RBFOX1: variants seen among roughly 807,000 people sequenced by gnomAD.
RBFOX1 encodes the protein RNA binding protein fox-1 homolog 1.
A neutral mutation model predicts 57.7 loss-of-function variants in RBFOX1; 8 were observed. The ratio of observed to expected loss-of-function variants is 0.14; its 90% CI spans 0.08 to 0.25. The LOEUF (loss-of-function observed/expected upper bound fraction) is 0.25, where lower values mean the gene tolerates loss of function less well. Ranked by LOEUF, RBFOX1 falls within the 10% of genes least tolerant of loss-of-function variation. The pLI is 1.00. For missense variants in RBFOX1, 611 were observed against 548.5 expected (o/e 1.11, Z -1.14); for synonymous variants, 326 against 222.4 (o/e 1.47, Z -4.15).
intron 1 of RBFOX1, among the ~76,000 whole-genome samples, chr16:6,289,448 T>C (rs2077234560): frequency 6.6e-6 from 1 of 152,166 alleles, no homozygotes; most frequent in East Asian, 1.9e-4. Flanking sequence ...GCAGTCATCA[T>C]CCTAATCATT....
chr16:5,851,596 C>T (rs1480831090), intron 3 of RBFOX1, among the ~76,000 whole-genome samples: 1 of 152,158 alleles, frequency 6.6e-6, no homozygotes. Flanking sequence ...TACCAAGTTT[C>T]TTCTCAATTT....
At chr16:5,825,052 G>A (rs989883167) in intron 3 of RBFOX1, among the ~76,000 whole-genome samples, 2 of 152,210 alleles carry the variant, frequency 1.3e-5, no homozygotes, top group Non-Finnish European at 2.9e-5. Flanking sequence ...GGCCTGGAGA[G>A]TTTGACTAAG....
Position 5,946,792 on chromosome 16 carries a change from T to G in RBFOX1, c.351+79457T>G, listed in dbSNP as rs557987215. Among the ~76,000 whole-genome samples, 6 of 152,276 alleles carry G rather than the reference T, an allele frequency of 3.9e-5. 1 individual carries two copies. In the South Asian group the frequency reaches 1.0e-3, roughly 26 times the overall value. On this transcript the variant is annotated intron_variant, in intron 4 of 19. Coordinates refer to the RBFOX1 transcript ENST00000641259. This position sits in a 1 kb window ranked among gnomAD's most constrained non-coding sequence, Gnocchi z 4.6. ...TGATTCTAACTCCAGGTGGATCATG[T>G]CAGAATTGAACTGTAGGACACCCAG...
At chr16:6,602,888 C>T (rs1279197592) in intron 2 of RBFOX1, among the ~76,000 whole-genome samples, 1 of 152,130 alleles carries the variant, frequency 6.6e-6, no homozygotes, top group Non-Finnish European at 1.5e-5. Context: ...GCCTGGAGTG[C>T]TTAAGACTCT....
chr16:7,268,959 C>T (rs1347056164), intron 4 of RBFOX1, among the ~76,000 whole-genome samples: 4 of 149,574 alleles, frequency 2.7e-5, no homozygotes, highest in African/African-American at 1.0e-4. Context: ...ACCGCTTGAA[C>T]CCTGAAGGCA....
At chr16:6,851,828 T>G (rs2094084325) in intron 3 of RBFOX1, among the ~76,000 whole-genome samples, 1 of 152,184 alleles carries the variant, frequency 6.6e-6, no homozygotes, top group South Asian at 2.1e-4. Context: ...CAGACATGGA[T>G]GATGCCCTGT....
rs1255430430 is a variant in RBFOX1, at chr16:7,034,841, C to CTTTTTTTTTTTTTTTTTTTTTTTTTTT, written c.-15-17210_-15-17209insTTTTTTTTTTTTTTTTTTTTTTTTTTT. Reference sequence around the variant, plus strand: ...ATATTGCATTACTTTTTTTTTTTTTCTTTTTTCTTTTTTTTTTTTTTTTTT... The same window carrying CTTTTTTTTTTTTTTTTTTTTTTTTTTT: ...ATATTGCATTACTTTTTTTTTTTTTCTTTTTTTTTTTTTTTTTTTTTTTTTTTTTTTTTCTTTTTTTTTTTTTTTTTT... On this transcript the variant is annotated intron_variant, in intron 3 of 15. Transcript: ENST00000550418. 5.1e-4 allele frequency among the ~76,000 whole-genome samples: 20 copies of CTTTTTTTTTTTTTTTTTTTTTTTTTTT among 39,156 alleles called. 4 individuals are homozygous for CTTTTTTTTTTTTTTTTTTTTTTTTTTT. Among genetic ancestry groups the CTTTTTTTTTTTTTTTTTTTTTTTTTTT allele is most frequent in the South Asian group, 2.7e-3 (2 of 730 alleles). 25.7% of individuals were successfully genotyped at this position (39,156 alleles called of 152,430 possible). A position where few individuals can be genotyped will look rare whatever the true frequency, so the allele number is the denominator to read the frequency against.
At chr16:6,333,142 C>G (rs1436111347) in intron 2 of RBFOX1, among the ~76,000 whole-genome samples, 1 of 152,118 alleles carries the variant, frequency 6.6e-6, no homozygotes, top group Non-Finnish European at 1.5e-5. Flanking sequence ...CGGGCTCAAG[C>G]AATTCTCCTG....
intron 1 of RBFOX1, among the ~76,000 whole-genome samples, chr16:6,024,116 T>C (rs1191000982): frequency 6.6e-6 from 1 of 152,168 alleles, no homozygotes; most frequent in African/African-American, 2.4e-5. Context: ...TGGTTTGTCA[T>C]TGTTCGCTAG....
At chr16:7,412,917 C>A (rs945957064) in intron 4 of RBFOX1, among the ~76,000 whole-genome samples, 23 of 152,274 alleles carry the variant, frequency 1.5e-4, no homozygotes, top group Admixed American at 4.6e-4. Context: ...TGGTGGGCGC[C>A]TGCAGTCCCA....
intron 3 of RBFOX1, among the ~76,000 whole-genome samples, chr16:7,044,812 C>T (rs991367626): frequency 6.6e-6 from 1 of 152,186 alleles, no homozygotes; most frequent in Non-Finnish European, 1.5e-5. Context: ...GGTCTTTCTT[C>T]ATCACAGACT....
Position 6,245,091 on chromosome 16 carries a change from G to A in RBFOX1, c.-126-71904G>A, listed in dbSNP as rs141429529. Among the ~76,000 whole-genome samples, 1,118 of 152,186 alleles carry A rather than the reference G, an allele frequency of 7.3e-3. 5 individuals carry two copies. Among genetic ancestry groups the A allele is most frequent in the Middle Eastern group, 0.017 (5 of 294 alleles). ...TTGGCAGAAGCTATATCTTCCCTGG[G>A]ATGCAGAACATTGCTGAATCATAGT... On this transcript the variant is annotated intron_variant, in intron 1 of 15. Transcript: ENST00000550418.
chr16:6,795,003 C>G (rs150098856), intron 3 of RBFOX1, among the ~76,000 whole-genome samples: 1 of 152,136 alleles, frequency 6.6e-6, no homozygotes, highest in Non-Finnish European at 1.5e-5. Context: ...TTCACATCTC[C>G]TGACAGTCAG....
At chr16:7,211,291 C>T (rs2091081417) in intron 4 of RBFOX1, among the ~76,000 whole-genome samples, 1 of 148,484 alleles carries the variant, frequency 6.7e-6, no homozygotes, top group East Asian at 2.0e-4. Context: ...TCTCGGGAGG[C>T]TGAGGCAGGA....
At chr16:7,209,927 T>G (rs574367739) in intron 4 of RBFOX1, among the ~76,000 whole-genome samples, 2 of 152,014 alleles carry the variant, frequency 1.3e-5, no homozygotes, top group African/African-American at 2.4e-5. Context: ...CACCATAGAG[T>G]TGATGGTAGG....
Position 6,140,482 on chromosome 16 carries a change from C to T in RBFOX1, c.-127+120490C>T, listed in dbSNP as rs550620588. ...AACTGCTGGGATTACAGGTGTGAGC[C>T]CCTGTGCCCAGCCAGAAATGCTTCT... On this transcript the variant is annotated intron_variant, in intron 1 of 15. Coordinates refer to ENST00000550418, the MANE Select transcript of RBFOX1 (RefSeq NM_018723.4). 3.3e-5 allele frequency among the ~76,000 whole-genome samples: 5 copies of T among 152,286 alleles called. No homozygotes were observed. The South Asian group carries it at 1.0e-3, about 32-fold the overall frequency.
intron 3 of RBFOX1, among the ~76,000 whole-genome samples, chr16:6,668,139 T>C (rs1048662397): frequency 1.3e-5 from 2 of 151,934 alleles, no homozygotes; most frequent in Non-Finnish European, 1.5e-5. Context: ...ACTGAAAGAG[T>C]ATAGAGTTGA....
intron 1 of RBFOX1, among the ~76,000 whole-genome samples, chr16:5,402,249 T>C (rs986062281): frequency 6.6e-6 from 1 of 152,086 alleles, no homozygotes; most frequent in African/African-American, 2.4e-5. Flanking sequence ...AGGAAGGAAC[T>C]GGAGGATAAA....
intron 4 of RBFOX1, among the ~76,000 whole-genome samples, chr16:7,161,181 A>G (rs963898251): frequency 1.3e-5 from 2 of 152,162 alleles, no homozygotes; most frequent in Admixed American, 6.5e-5. Flanking sequence ...GGAAGTGGCT[A>G]TCTGCAGCAG....
Sources: gnomAD v4.1 joint callset for allele counts (sites outside exome capture counted in the v4.1 genomes callset) on GRCh38, gnomAD v4.1.1 for gene constraint, Gnocchi (gnomAD v3.1) non-coding constraint, MANE v1.5 for transcripts, NCBI Gene and HGNC (gene_info 2026-07-23, HGNC 2026-07-21) for gene names.